DLGAP1: variants seen among roughly 807,000 people sequenced by gnomAD.
DLGAP1 encodes the protein DLG associated protein 1, also known as disks large-associated protein 1.
Under a neutral mutation model 90.8 loss-of-function variants are expected in DLGAP1, and 11 were observed. The observed-to-expected ratio is 0.12, with a 90% CI of 0.08 to 0.20. The LOEUF is 0.20. Ranked by LOEUF, DLGAP1 falls within the 10% of genes least tolerant of loss-of-function variation. The pLI is 1.00. For synonymous variants in DLGAP1, 558 were observed against 540.7 expected, an observed-to-expected ratio of 1.03 and a Z score of -0.44; for missense variants, 1,050 against 1,333.8, an observed-to-expected ratio of 0.79 and a Z score of 3.31.
intron 7 of DLGAP1, among the ~76,000 whole-genome samples, chr18:3,628,283 G>A (rs756556610): frequency 3.0e-4 from 45 of 149,928 alleles, no homozygotes; most frequent in African/African-American, 4.2e-4. Context: ...TCTGCCTCCC[G>A]GGTTCGAGCG....
At chr18:4,178,603 C>T (rs964953569) in intron 1 of DLGAP1, among the ~76,000 whole-genome samples, 3 of 151,772 alleles carry the variant, frequency 2.0e-5, no homozygotes, top group African/African-American at 4.8e-5. Flanking sequence ...TTTTTCATAC[C>T]CATTTCTTTG....
chr18:3,786,787 CAA>C (rs2065468697), intron 5 of DLGAP1, among the ~76,000 whole-genome samples: 1 of 152,132 alleles, frequency 6.6e-6, no homozygotes, highest in Non-Finnish European at 1.5e-5. Context: ...TTGTATAAAA[CAA>C]GACATTTCAG....
chr18:4,286,056 G>A (rs562153203), intron 1 of DLGAP1, among the ~76,000 whole-genome samples: 1 of 152,236 alleles, frequency 6.6e-6, no homozygotes, highest in East Asian at 1.9e-4. Context: ...GTGTCACTCC[G>A]GCAAACTCAG....
At chr18:3,946,435 G>A (rs1424392264) in intron 3 of DLGAP1, among the ~76,000 whole-genome samples, 1 of 152,112 alleles carries the variant, frequency 6.6e-6, no homozygotes, top group African/African-American at 2.4e-5. Context: ...TCAATTAAAA[G>A]GAAATTAGCA....
At chr18:4,390,449 T>C (rs2082319226) in intron 1 of DLGAP1, among the ~76,000 whole-genome samples, 1 of 152,114 alleles carries the variant, frequency 6.6e-6, no homozygotes, top group Non-Finnish European at 1.5e-5. Flanking sequence ...AAATGTATAA[T>C]GACATGTGTC....
chr18:3,585,999 T>C (rs553414677), intron 7 of DLGAP1, among the ~76,000 whole-genome samples: 46 of 152,252 alleles, frequency 3.0e-4, no homozygotes, highest in African/African-American at 1.0e-3. Context: ...CCAACTGCAA[T>C]TGGACGCCAC....
intron 1 of DLGAP1, among the ~76,000 whole-genome samples, chr18:4,152,723 C>T (rs979462161): frequency 6.6e-6 from 1 of 152,200 alleles, no homozygotes; most frequent in Admixed American, 6.5e-5. Flanking sequence ...GACTTTCACA[C>T]ATACCTCTTT....
At chr18:3,663,987 T>C (rs1243235143) in intron 7 of DLGAP1, among the ~76,000 whole-genome samples, 1 of 152,146 alleles carries the variant, frequency 6.6e-6, no homozygotes, top group Non-Finnish European at 1.5e-5. Flanking sequence ...TAAGAGAGAA[T>C]TCTCTGTCTC....
chr18:4,222,825 A>G (rs1266892093), intron 1 of DLGAP1, among the ~76,000 whole-genome samples: 2 of 152,174 alleles, frequency 1.3e-5, no homozygotes, highest in Non-Finnish European at 2.9e-5. Context: ...GTAAACTGAT[A>G]CAGGCACTCA....
intron 3 of DLGAP1, among the ~76,000 whole-genome samples, chr18:3,993,958 T>C (rs954401805): frequency 1.3e-5 from 2 of 152,198 alleles, no homozygotes; most frequent in East Asian, 3.8e-4. Context: ...GTGTAAGACT[T>C]TCCCTCCACT....
At chr18:3,550,350 C>T (rs570623308) in intron 9 of DLGAP1, among the ~76,000 whole-genome samples, 6 of 152,126 alleles carry the variant, frequency 3.9e-5, no homozygotes, top group African/African-American at 7.2e-5. Context: ...CTCAGCCTCC[C>T]GAGTAGCTGG....
At chr18:3,818,658 G>A (rs1220417849) in intron 4 of DLGAP1, among the ~76,000 whole-genome samples, 1 of 150,736 alleles carries the variant, frequency 6.6e-6, no homozygotes, top group Non-Finnish European at 1.5e-5. Flanking sequence ...CTGGAGTGCA[G>A]TGGCACGATC....
chr18:4,315,666 C>T (rs2080508247), intron 1 of DLGAP1, among the ~76,000 whole-genome samples: 1 of 152,116 alleles, frequency 6.6e-6, no homozygotes, highest in African/African-American at 2.4e-5. Context: ...CAGTGTTTTG[C>T]AAACTTAAAC....
At chr18:3,929,798 G>A (rs545581509) in intron 3 of DLGAP1, among the ~76,000 whole-genome samples, 64 of 152,218 alleles carry the variant, frequency 4.2e-4, no homozygotes, top group African/African-American at 1.3e-3. Context: ...ACTGCTGTTC[G>A]TCTAAATTTT....
intron 1 of DLGAP1, among the ~76,000 whole-genome samples, chr18:4,169,829 G>T (rs2076994122): frequency 6.6e-6 from 1 of 152,148 alleles, no homozygotes. Flanking sequence ...CCCTTTATAA[G>T]ACTCAGTTGT....
chr18:4,354,854 C>A (rs1396586577), intron 1 of DLGAP1, among the ~76,000 whole-genome samples: 2 of 117,248 alleles, frequency 1.7e-5, no homozygotes, highest in Non-Finnish European at 3.2e-5. Flanking sequence ...GAGGTACAGG[C>A]AGCCTCCTGG....
intron 7 of DLGAP1, among the ~76,000 whole-genome samples, chr18:3,615,086 A>G (rs907208784): frequency 6.6e-6 from 1 of 151,696 alleles, no homozygotes; most frequent in Non-Finnish European, 1.5e-5. Flanking sequence ...ATGCCTGGCT[A>G]ATTTTTGTAT....
chr18:3,737,419 T>C (rs1202566686), intron 6 of DLGAP1, among the ~76,000 whole-genome samples: 39 of 140,016 alleles, frequency 2.8e-4, no homozygotes, highest in African/African-American at 1.0e-3. Context: ...AAAAAGCTTA[T>C]CCACCATGAT....
At chr18:4,182,599 A>G (rs891685387) in intron 1 of DLGAP1, among the ~76,000 whole-genome samples, 1 of 152,118 alleles carries the variant, frequency 6.6e-6, no homozygotes, top group Non-Finnish European at 1.5e-5. Flanking sequence ...CTCATTCCCT[A>G]GGTATCTTCC....
Sources: allele counts gnomAD v4.1 joint callset (sites outside exome capture counted in the v4.1 genomes callset), GRCh38; gene constraint gnomAD v4.1.1; transcripts MANE v1.5; gene names NCBI Gene and HGNC (gene_info 2026-07-23, HGNC 2026-07-21).